The following COLGALT2 variants were observed in gnomAD, a reference collection of about 807,000 sequenced individuals.
The protein encoded by COLGALT2 is procollagen galactosyltransferase 2.
Under a neutral mutation model 73.4 loss-of-function variants are expected in COLGALT2, and 49 were observed. The observed-to-expected ratio is 0.67, with a 90% confidence interval of 0.53 to 0.85. The LOEUF (loss-of-function observed/expected upper bound fraction) is 0.85, where lower values mean the gene tolerates loss of function less well. COLGALT2 is among the 40% of genes least tolerant of loss of function. COLGALT2 has a pLI of 0.00. For synonymous variants in COLGALT2, 295 were observed against 307.6 expected, an observed-to-expected ratio of 0.96 and a Z score of 0.43; for missense variants, 722 against 790.2, an observed-to-expected ratio of 0.91 and a Z score of 1.03.
At chr1:184,016,703 T>C (rs531172746) in intron 1 of COLGALT2, among the ~76,000 whole-genome samples, 1 of 152,182 alleles carries the variant, frequency 6.6e-6, no homozygotes. Context: ...GTGAATTTTT[T>C]ATATAAAAAT....
intron 5 of COLGALT2, among the ~76,000 whole-genome samples, chr1:183,965,345 C>A (rs1253190238): frequency 6.6e-6 from 1 of 152,164 alleles, no homozygotes; most frequent in East Asian, 1.9e-4. Context: ...GATATGATAC[C>A]TATCCAAATT....
intron 1 of COLGALT2, among the ~76,000 whole-genome samples, chr1:184,031,446 G>A (rs965893583): frequency 3.3e-5 from 5 of 152,160 alleles, no homozygotes; most frequent in Admixed American, 6.5e-5. Context: ...TCAAGACAGC[G>A]GAAGAGAACC....
chr1:183,950,943 T>TAACTGGGACTAA (rs1222218557), intron 8 of COLGALT2, 64 bp downstream of exon 8: 2 of 1,233,230 alleles, frequency 1.6e-6, no homozygotes, highest in Non-Finnish European at 2.4e-6. Flanking sequence ...GGACTAACTC[T>TAACTGGGACTAA]CTGTCAGAGA....
At chr1:183,981,717 T>C (rs1671356756) in intron 1 of COLGALT2, among the ~76,000 whole-genome samples, 1 of 152,202 alleles carries the variant, frequency 6.6e-6, no homozygotes, top group Non-Finnish European at 1.5e-5. Flanking sequence ...TGAAACATTA[T>C]AGTTTTTAAT....
intron 1 of COLGALT2, among the ~76,000 whole-genome samples, chr1:184,021,105 G>A (rs1335623404): frequency 6.6e-6 from 1 of 152,102 alleles, no homozygotes; most frequent in Admixed American, 6.5e-5. Context: ...GTGAATACCA[G>A]GAGGCAAGGA....
At chr1:184,027,448 A>T (rs1053546271) in intron 1 of COLGALT2, among the ~76,000 whole-genome samples, 5 of 152,226 alleles carry the variant, frequency 3.3e-5, no homozygotes, top group Non-Finnish European at 7.3e-5. Flanking sequence ...CCAGAAATCC[A>T]TGTATCTAAC....
intron 1 of COLGALT2, among the ~76,000 whole-genome samples, chr1:184,005,188 G>T (rs1192159073): frequency 1.3e-5 from 2 of 152,120 alleles, no homozygotes; most frequent in African/African-American, 4.8e-5. Context: ...AGAATGACTG[G>T]CAAGGAAGGC....
intron 1 of COLGALT2, among the ~76,000 whole-genome samples, chr1:183,981,293 T>C (rs1008441957): frequency 1.3e-5 from 2 of 152,178 alleles, no homozygotes; most frequent in Non-Finnish European, 2.9e-5. Flanking sequence ...CATGAAATAA[T>C]TTAGCTTCTA....
At chr1:184,009,728 T>A (rs2102846020) in intron 1 of COLGALT2, among the ~76,000 whole-genome samples, 1 of 152,362 alleles carries the variant, frequency 6.6e-6, no homozygotes, top group Admixed American at 6.5e-5. Context: ...AAGAAGTTAA[T>A]GGAGACAGAG....
chr1:183,996,717 G>A (rs1671779127), intron 1 of COLGALT2, among the ~76,000 whole-genome samples: 1 of 152,182 alleles, frequency 6.6e-6, no homozygotes, highest in Non-Finnish European at 1.5e-5. Context: ...AACTGGAGAA[G>A]CCTGCAGTTC....
chr1:183,960,113 A>G (rs984450874), intron 6 of COLGALT2, among the ~76,000 whole-genome samples: 4 of 152,194 alleles, frequency 2.6e-5, no homozygotes, highest in Admixed American at 2.0e-4. Context: ...TATGTGTTGA[A>G]TAAATCCTTA....
intron 4 of COLGALT2, among the ~76,000 whole-genome samples, chr1:183,972,041 A>T (rs1340128089): frequency 6.6e-6 from 1 of 152,226 alleles, no homozygotes; most frequent in African/African-American, 2.4e-5. Flanking sequence ...CTTATTTCTC[A>T]TCCAAAACAA....
chr1:183,971,195 G>T (rs759555991), intron 4 of COLGALT2, among the ~76,000 whole-genome samples: 13 of 152,136 alleles, frequency 8.5e-5, no homozygotes, highest in Admixed American at 8.5e-4. Context: ...ACAACATCAA[G>T]GACATTTTGT....
chr1:183,963,832 G>A (rs1248065349), intron 6 of COLGALT2, 69 bp downstream of exon 6: 3 of 1,399,338 alleles, frequency 2.1e-6, no homozygotes, highest in Admixed American at 4.7e-5. Context: ...TGGAAGAGGA[G>A]GGAAGTGGCT....
At chr1:183,998,506 A>C (rs1429638203) in intron 1 of COLGALT2, among the ~76,000 whole-genome samples, 1 of 152,116 alleles carries the variant, frequency 6.6e-6, no homozygotes, top group Non-Finnish European at 1.5e-5. Flanking sequence ...ATGTCTTTTG[A>C]TAGAAAGTCC....
In COLGALT2 at chr1:183,940,769, C is replaced by T. The variant is rs35893033; in HGVS notation, c.1416G>A (p.Arg472=). The T allele has an allele frequency of 3.0e-4, 492 of 1,614,076 alleles. 4 individuals are homozygous for T. Among genetic ancestry groups the T allele is most frequent in the Non-Finnish European group, 6.2e-5 (73 of 1,180,014 alleles). The stretch of plus-strand genomic sequence containing the variant: ...CTTTCTCTGGCTCCTTTACTTGCAT[C>T]CTCTTCCTACCAATATAACTGTAAG... ...DWELIYIGRK[R]MQVKEPEKAV... Residue 472 remains arginine, a synonymous_variant, in exon 11 of 12, where the codon AGG becomes AGA. Transcript: ENST00000361927.
intron 10 of COLGALT2, 30 bp downstream of exon 10, chr1:183,944,166 G>T (rs765548665): frequency 1.3e-6 from 2 of 1,595,420 alleles, no homozygotes; most frequent in South Asian, 2.3e-5. Flanking sequence ...GCCTCTCAGA[G>T]CCCTCTCGTA....
chr1:183,979,750 A>C (rs77956276), intron 1 of COLGALT2, among the ~76,000 whole-genome samples: 2,503 of 152,228 alleles, frequency 0.016, 74 homozygotes, highest in African/African-American at 0.057. Flanking sequence ...AGATATTAAC[A>C]TACCACTTTC....
At chr1:183,985,646 G>A (rs1168497872) in intron 1 of COLGALT2, among the ~76,000 whole-genome samples, 8 of 152,182 alleles carry the variant, frequency 5.3e-5, no homozygotes, top group Admixed American at 1.3e-4. Flanking sequence ...TGCCACACCC[G>A]AGAAAGTCTA....
Sources: allele counts gnomAD v4.1 joint callset (sites outside exome capture counted in the v4.1 genomes callset), GRCh38; gene constraint gnomAD v4.1.1; transcripts MANE v1.5; gene names NCBI Gene and HGNC (gene_info 2026-07-23, HGNC 2026-07-21).